SLC30A8: variants seen among roughly 807,000 people sequenced by gnomAD.
The protein encoded by SLC30A8 is solute carrier family 30 member 8.
SLC30A8 carries 27 observed loss-of-function variants against 36.9 expected under a neutral mutation model. The ratio of observed to expected loss-of-function variants is 0.73; its 90% CI spans 0.54 to 1.01. SLC30A8 has a LOEUF of 1.01. SLC30A8 is among the 50% of genes least tolerant of loss of function. The probability of loss-of-function intolerance (pLI) is 0.00; values close to 1 mark genes in which losing one functional copy is unlikely to be tolerated. For synonymous variants in SLC30A8, 164 were observed against 172.4 expected (o/e 0.95, Z 0.38); for missense variants, 439 against 452.0 (o/e 0.97, Z 0.26).
chr8:117,146,808 T>C (rs1308481095), intron 1 of SLC30A8, 146 bp from the exon 2 acceptor site: 1 of 1,435,710 alleles, frequency 7.0e-7, no homozygotes, highest in Admixed American at 2.8e-5. Context: ...ACACTTGATA[T>C]TTTCTTGTAG....
chr8:116,963,614 A>G (rs1814506100), intron 1 of SLC30A8, among the ~76,000 whole-genome samples: 1 of 152,198 alleles, frequency 6.6e-6, no homozygotes, highest in South Asian at 2.1e-4. Flanking sequence ...GCTGAATAAT[A>G]CTTTATTGTA....
chr8:117,171,155 T>G lies in SLC30A8; in HGVS notation c.951T>G (p.Ala317=), dbSNP rs1292572718. ...CAATGAATCAAGTAATTCTCTCAGC[T>G]CATGTTGCTACAGGTCAGTGAGTTT... is the stretch of plus-strand genomic sequence containing the variant. The part of the protein sequence containing the change: ...SLTMNQVILS[A]HVATAASRDS... The change falls in exon 7 of 8, where the codon GCT becomes GCG. Residue 317 remains alanine, a synonymous_variant. Transcript: ENST00000456015. 1 of 1,613,530 alleles carries G rather than the reference T, an allele frequency of 6.2e-7. No homozygotes were observed. Among genetic ancestry groups the G allele is most frequent in the Non-Finnish European group, 8.5e-7 (1 of 1,179,588 alleles).
chr8:117,013,900 A>G (rs970296903), intron 1 of SLC30A8, among the ~76,000 whole-genome samples: 8 of 152,152 alleles, frequency 5.3e-5, no homozygotes, highest in East Asian at 1.9e-4. Flanking sequence ...ATTTTTTTCA[A>G]TGATAGCACA....
At chr8:117,035,582 G>A (rs540238619) in intron 1 of SLC30A8, among the ~76,000 whole-genome samples, 1 of 152,318 alleles carries the variant, frequency 6.6e-6, no homozygotes, top group African/African-American at 2.4e-5. Context: ...GGAGGACAGT[G>A]GCCCTCTTCT....
intron 1 of SLC30A8, among the ~76,000 whole-genome samples, chr8:117,022,345 C>CT (rs1368822104): frequency 6.6e-6 from 1 of 152,062 alleles, no homozygotes; most frequent in African/African-American, 2.4e-5. Flanking sequence ...TAGGATCTTC[C>CT]TTTTTTTATG....
intron 2 of SLC30A8, among the ~76,000 whole-genome samples, chr8:117,105,447 T>C (rs904916219): frequency 6.6e-5 from 10 of 152,122 alleles, no homozygotes; most frequent in South Asian, 2.1e-4. Flanking sequence ...CAATAGAACA[T>C]ACACACACAT....
chr8:117,135,396 A>C lies in SLC30A8; in HGVS notation c.69A>C (p.Glu23Asp), dbSNP rs771712748. The change falls in exon 1 of 8, where the codon GAA (glutamate) becomes GAC (aspartate). Residue 23 changes from glutamate to aspartate, a missense_variant and splice_region_variant. Transcript: ENST00000456015. ...KAAKMYAFTL[E>D]SVELQQKPVN... ...CCAAGATGTATGCTTTCACACTAGA[A>C]AGGTAATAGATGTCTGTGTCTGCTT... 20 of 1,586,752 alleles carry C rather than the reference A, an allele frequency of 1.3e-5. No homozygotes were observed. In the South Asian group the frequency reaches 2.2e-4, roughly 18 times the overall value.
chr8:117,016,905 G>C (rs1332794557), intron 1 of SLC30A8, among the ~76,000 whole-genome samples: 3 of 151,870 alleles, frequency 2.0e-5, no homozygotes, highest in Non-Finnish European at 4.4e-5. Flanking sequence ...TCTAATTCAC[G>C]TTATGTTATA....
At chr8:116,963,862 T>A (rs1350147234) in intron 1 of SLC30A8, among the ~76,000 whole-genome samples, 1 of 152,246 alleles carries the variant, frequency 6.6e-6, no homozygotes, top group African/African-American at 2.4e-5. Context: ...CTGTACCATT[T>A]TACTGAACTT....
chr8:117,111,164 A>G (rs116247389), intron 2 of SLC30A8, among the ~76,000 whole-genome samples: 3,642 of 152,258 alleles, frequency 0.024, 107 homozygotes, highest in African/African-American at 0.065. Flanking sequence ...AATAGTTAAC[A>G]CAGGACAAAT....
chr8:117,008,687 T>C lies in SLC30A8; in HGVS notation c.-265-30532T>C, dbSNP rs1009094357. Among the ~76,000 whole-genome samples, 4 of 152,200 alleles carry C rather than the reference T, an allele frequency of 2.6e-5. No individual in the cohort carries two copies. The South Asian group carries it at 6.2e-4, about 24-fold the overall frequency. On this transcript the variant is annotated intron_variant, in intron 1 of 10. Transcript: ENST00000427715. Reference sequence around the variant, plus strand: ...GGTGGCCATTCTACAATAAAGTACATGAGAACTATATCTATCTGTTGGGAA... The same window carrying C: ...GGTGGCCATTCTACAATAAAGTACACGAGAACTATATCTATCTGTTGGGAA...
chr8:116,957,801 A>G (rs2130584304), intron 1 of SLC30A8, among the ~76,000 whole-genome samples: 1 of 152,240 alleles, frequency 6.6e-6, no homozygotes, highest in African/African-American at 2.4e-5. Context: ...ATTTTGGGTG[A>G]TATTTATTCC....
chr8:117,099,647 C>A (rs542783522), intron 2 of SLC30A8, among the ~76,000 whole-genome samples: 54 of 152,172 alleles, frequency 3.5e-4, no homozygotes, highest in African/African-American at 1.2e-3. Context: ...GTAGGAGAGC[C>A]ACTAGCTTAC....
chr8:116,999,300 A>C (rs1382995208), intron 1 of SLC30A8, among the ~76,000 whole-genome samples: 4 of 150,738 alleles, frequency 2.7e-5, no homozygotes. Context: ...TATGCCTCAC[A>C]CCTCCTTTAG....
chr8:117,045,007 T>C (rs1346527452), intron 2 of SLC30A8, among the ~76,000 whole-genome samples: 1 of 152,226 alleles, frequency 6.6e-6, no homozygotes, highest in Non-Finnish European at 1.5e-5. Flanking sequence ...CAGTAGGGAA[T>C]TTAACACTGG....
rs551226921 is a variant in SLC30A8 at position 117,158,002 on chromosome 8, C to T, written c.572+158C>T. Among the ~76,000 whole-genome samples the T allele has an allele frequency of 3.9e-5, 6 of 152,286 alleles. No homozygotes were observed. In the South Asian group the frequency reaches 1.2e-3, roughly 32 times the overall value. Reference sequence around the variant, plus strand: ...GATTGAAAATAAGGTTGACTGCTTTCGTTTAAGCTAAAGTGTTTTTTAATA... The same window carrying T: ...GATTGAAAATAAGGTTGACTGCTTTTGTTTAAGCTAAAGTGTTTTTTAATA... On this transcript the variant is annotated intron_variant, in intron 4 of 7. Coordinates refer to ENST00000456015, the MANE Select transcript of SLC30A8 (RefSeq NM_173851.3).
At chr8:117,058,208 G>A (rs1817927093) in intron 2 of SLC30A8, among the ~76,000 whole-genome samples, 1 of 152,062 alleles carries the variant, frequency 6.6e-6, no homozygotes, top group Non-Finnish European at 1.5e-5. Context: ...ATCTATTCAT[G>A]TCCTTTGTCC....
At chr8:116,994,141 C>A (rs948237429) in intron 1 of SLC30A8, among the ~76,000 whole-genome samples, 1 of 151,946 alleles carries the variant, frequency 6.6e-6, no homozygotes, top group Non-Finnish European at 1.5e-5. Flanking sequence ...AAAACCACTT[C>A]ACAGAAATGA....
In SLC30A8 at chr8:117,152,926, C is replaced by T; in HGVS notation, c.272-18C>T. 1 of 1,554,162 alleles carries T rather than the reference C, an allele frequency of 6.4e-7. No individual in the cohort carries two copies. On this transcript the variant is annotated intron_variant, in intron 2 of 7. Transcript: ENST00000456015. ...CATTCTGGGACCTTAACACAGTGTA[C>T]TATTTTGCATTCTCTAGGTGGGCAC... is the stretch of plus-strand genomic sequence containing the variant.
Sources: gnomAD v4.1 joint callset for allele counts (sites outside exome capture counted in the v4.1 genomes callset) on GRCh38, gnomAD v4.1.1 for gene constraint, MANE v1.5 for transcripts, NCBI Gene and HGNC (gene_info 2026-07-23, HGNC 2026-07-21) for gene names.